The following SLIT3 variants were observed in gnomAD, a reference collection of about 807,000 sequenced individuals.
SLIT3 encodes the protein slit guidance ligand 3, also known as slit homolog 3 protein.
SLIT3 carries 68 observed loss-of-function variants against 184.0 expected under a neutral mutation model. That is an observed-to-expected ratio of 0.37 (90% CI 0.30 to 0.45). The LOEUF is 0.45. Among genes scored for constraint, SLIT3 ranks in the 20% least tolerant of loss-of-function variants. SLIT3 has a pLI of 1.00. For missense variants in SLIT3, 1,707 were observed against 2,026.0 expected (o/e 0.84, Z 3.02); for synonymous variants, 831 against 828.6 (o/e 1.00, Z -0.05).
chr5:168,682,119 A>G (rs1761609565), intron 32 of SLIT3, among the ~76,000 whole-genome samples: 1 of 152,198 alleles, frequency 6.6e-6, no homozygotes, highest in African/African-American at 2.4e-5. Context: ...TAGGCGGCCC[A>G]GGCTCTAGGG....
At chr5:168,783,147 C>T (rs1756031580) in intron 12 of SLIT3, among the ~76,000 whole-genome samples, 1 of 152,070 alleles carries the variant, frequency 6.6e-6, no homozygotes, top group East Asian at 1.9e-4. Context: ...CCTGATGTTC[C>T]TTTGAACGCT....
At chr5:169,245,653 G>A (rs752601902) in intron 2 of SLIT3, among the ~76,000 whole-genome samples, 3 of 152,112 alleles carry the variant, frequency 2.0e-5, no homozygotes, top group Non-Finnish European at 2.9e-5. Flanking sequence ...GTGGAGTTTC[G>A]GAAGGGCTAT....
At chr5:168,697,929 AT>A (rs1442825244) in intron 27 of SLIT3, among the ~76,000 whole-genome samples, 5 of 152,218 alleles carry the variant, frequency 3.3e-5, no homozygotes, top group Non-Finnish European at 5.9e-5. Context: ...GCAGTGAGAT[AT>A]GGTGGCTGGT....
At chr5:169,219,118 A>G (rs1764538482) in intron 3 of SLIT3, among the ~76,000 whole-genome samples, 2 of 152,182 alleles carry the variant, frequency 1.3e-5, no homozygotes. Flanking sequence ...GCCTTAGGAC[A>G]CATTCCCCCA....
chr5:168,770,657 T>G (rs2337557), intron 14 of SLIT3, among the ~76,000 whole-genome samples: 12,007 of 60,200 alleles, frequency 0.2, 523 homozygotes, highest in East Asian at 0.37. Context: ...CTTAGCATTG[T>G]TTTTTTTTTT....
intron 4 of SLIT3, among the ~76,000 whole-genome samples, chr5:169,159,125 C>A (rs367831878): frequency 6.6e-6 from 1 of 151,944 alleles, no homozygotes; most frequent in African/African-American, 2.4e-5. Context: ...TGGCTCATGC[C>A]TGTAATCCCA....
At chr5:169,106,156 T>G (rs781330575) in intron 4 of SLIT3, among the ~76,000 whole-genome samples, 11 of 152,208 alleles carry the variant, frequency 7.2e-5, no homozygotes, top group Non-Finnish European at 1.3e-4. Context: ...GGCACATGTT[T>G]ACCTGTGTAA....
Position 168,753,924 on chromosome 5 carries a change from CCT to C in SLIT3, c.1767_1768del (p.Gly590GlufsTer25). ...CCCGTGCACGGTCTCCAGCTGGTTC[CCT>C]GTCAGCATCAGCTCCTGCACGCTGG... On this transcript the variant is annotated frameshift_variant, in exon 17 of 36. Coordinates refer to ENST00000519560, the MANE Select transcript of SLIT3 (RefSeq NM_003062.4). LOFTEE classifies it high-confidence loss of function. 6.2e-7 allele frequency: 1 copy of C among 1,612,300 alleles called. No homozygotes were observed. Among genetic ancestry groups the C allele is most frequent in the African/African-American group, 1.3e-5 (1 of 75,068 alleles).
chr5:168,724,525 CTG>C (rs1763045298), intron 20 of SLIT3, 41 bp from the exon 21 acceptor site: 2 of 1,563,926 alleles, frequency 1.3e-6, no homozygotes, highest in Non-Finnish European at 1.8e-6. Context: ...GAAAGAGACA[CTG>C]TACAAATTCT....
At chr5:168,782,386 C>G (rs1013849201) in intron 12 of SLIT3, among the ~76,000 whole-genome samples, 10 of 152,202 alleles carry the variant, frequency 6.6e-5, no homozygotes, top group Non-Finnish European at 1.3e-4. Context: ...GGTGTAACAA[C>G]GCAGCTTGCA....
intron 8 of SLIT3, 87 bp downstream of exon 8, chr5:168,817,213 A>G (rs943263616): frequency 8.1e-7 from 1 of 1,227,004 alleles, no homozygotes; most frequent in Non-Finnish European, 1.2e-6. Flanking sequence ...GGGCTAGGGT[A>G]TGTGTTCAAG....
chr5:169,072,708 C>T (rs751226863), intron 4 of SLIT3, among the ~76,000 whole-genome samples: 51 of 152,282 alleles, frequency 3.3e-4, no homozygotes, highest in Non-Finnish European at 5.9e-4. Flanking sequence ...GGCCCAGCCA[C>T]GGAAGACAGA....
chr5:168,859,991 A>G (rs1463004387), intron 5 of SLIT3, among the ~76,000 whole-genome samples: 26 of 152,202 alleles, frequency 1.7e-4, no homozygotes, highest in Non-Finnish European at 1.5e-5. Flanking sequence ...CTACCTATCC[A>G]CACACTGAAA....
chr5:169,236,725 C>T (rs1765215000), intron 3 of SLIT3, among the ~76,000 whole-genome samples: 1 of 152,128 alleles, frequency 6.6e-6, no homozygotes, highest in Non-Finnish European at 1.5e-5. Flanking sequence ...CCACCTTGGG[C>T]TCCAAAAGTG....
intron 4 of SLIT3, among the ~76,000 whole-genome samples, chr5:168,900,692 A>G (rs1760836130): frequency 6.6e-6 from 1 of 152,246 alleles, no homozygotes; most frequent in African/African-American, 2.4e-5. Flanking sequence ...TCACAATAGT[A>G]AAGATATGGA....
chr5:169,150,208 C>T (rs2113366930), intron 4 of SLIT3, among the ~76,000 whole-genome samples: 1 of 152,324 alleles, frequency 6.6e-6, no homozygotes, highest in South Asian at 2.1e-4. Context: ...CTGCTCCCCG[C>T]TCCAACCCCT....
intron 4 of SLIT3, among the ~76,000 whole-genome samples, chr5:169,003,461 T>G (rs1755793913): frequency 6.6e-6 from 1 of 152,208 alleles, no homozygotes; most frequent in East Asian, 1.9e-4. Flanking sequence ...ACCCTAGTTC[T>G]TTTCAGAGGC....
chr5:169,067,152 G>A (rs1758380628), intron 4 of SLIT3, among the ~76,000 whole-genome samples: 1 of 152,154 alleles, frequency 6.6e-6, no homozygotes, highest in African/African-American at 2.4e-5. Flanking sequence ...GCTCATGTTT[G>A]TAATCCCAGC....
At chr5:168,701,636 C>T (rs1017814709) in intron 26 of SLIT3, among the ~76,000 whole-genome samples, 3 of 152,234 alleles carry the variant, frequency 2.0e-5, no homozygotes, top group Non-Finnish European at 4.4e-5. Flanking sequence ...CTCTTCTTGG[C>T]CTTCTGGCTC....
Sources: allele counts gnomAD v4.1 joint callset (sites outside exome capture counted in the v4.1 genomes callset), GRCh38; gene constraint gnomAD v4.1.1; transcripts MANE v1.5; gene names NCBI Gene and HGNC (gene_info 2026-07-23, HGNC 2026-07-21).